TCF12: variants seen among roughly 807,000 people sequenced by gnomAD.
The protein encoded by TCF12 is transcription factor 12.
TCF12 carries 45 observed loss-of-function variants against 86.0 expected under a neutral mutation model. The observed-to-expected ratio is 0.52, with a 90% CI of 0.41 to 0.67. TCF12 has a LOEUF of 0.67. TCF12 is among the 30% of genes least tolerant of loss of function. The probability of loss-of-function intolerance (pLI) is 0.00; values close to 1 mark genes in which losing one functional copy is unlikely to be tolerated. For synonymous variants in TCF12, 330 were observed against 299.6 expected (o/e 1.10, Z -1.05); for missense variants, 881 against 859.9 (o/e 1.02, Z -0.31).
chr15:56,941,596 A>G (rs897002524), intron 3 of TCF12, among the ~76,000 whole-genome samples: 4 of 151,700 alleles, frequency 2.6e-5, no homozygotes, highest in Admixed American at 6.6e-5. Flanking sequence ...GCTGGTCTTT[A>G]ACTCCTGACC....
downstream of TCF12, chr15:57,291,173 A>T (rs559151722): frequency 1.5e-4 from 23 of 152,322 alleles, no homozygotes; most frequent in African/African-American, 5.3e-4. Flanking sequence ...TCCCCTAAGG[A>T]TAGCAAAATC....
intron 5 of TCF12, among the ~76,000 whole-genome samples, chr15:57,121,508 C>A (rs188558281): frequency 4.6e-5 from 7 of 152,288 alleles, no homozygotes; most frequent in Admixed American, 2.6e-4. Context: ...AGGATTAACG[C>A]CTTATGAAGT....
At chr15:57,190,557 T>G (rs1269386333) in intron 6 of TCF12, among the ~76,000 whole-genome samples, 4 of 152,156 alleles carry the variant, frequency 2.6e-5, no homozygotes, top group Admixed American at 2.0e-4. Flanking sequence ...TCAACCCCCC[T>G]TCCTTTTGAG....
chr15:57,279,020 G>A (rs1321770409), intron 19 of TCF12, among the ~76,000 whole-genome samples: 3 of 142,940 alleles, frequency 2.1e-5, no homozygotes, highest in East Asian at 2.0e-4. Context: ...TCTTCCTCAG[G>A]GTTTTGCTCT....
At chr15:57,067,907 A>G (rs1164265054) in intron 4 of TCF12, among the ~76,000 whole-genome samples, 1 of 152,176 alleles carries the variant, frequency 6.6e-6, no homozygotes, top group Admixed American at 6.5e-5. Context: ...AGATCTAGTT[A>G]ATGAGTTTGT....
rs2066830856 is a variant in TCF12, at chr15:57,040,575, C to T, written c.149-23175C>T. On this transcript the variant is annotated intron_variant, in intron 3 of 20. Coordinates refer to ENST00000333725, the MANE Select transcript of TCF12 (RefSeq NM_207037.2). ...GCTCAACCTTCAAACGAAGAGACAG[C>T]TGTTTTTAGGCTGGTATTCAGTAGG... Among the ~76,000 whole-genome samples the T allele has an allele frequency of 2.0e-5, 3 of 152,152 alleles. No individual in the cohort carries two copies. In the South Asian group the frequency reaches 6.2e-4, roughly 32 times the overall value.
intron 3 of TCF12, among the ~76,000 whole-genome samples, chr15:57,029,105 G>A (rs2065992819): frequency 6.6e-6 from 1 of 152,112 alleles, no homozygotes; most frequent in Non-Finnish European, 1.5e-5. Flanking sequence ...GTCTTTACAT[G>A]TATCATAAGC....
At chr15:56,970,775 C>T (rs761794924) in intron 3 of TCF12, among the ~76,000 whole-genome samples, 12 of 151,342 alleles carry the variant, frequency 7.9e-5, no homozygotes, top group Non-Finnish European at 1.8e-4. Context: ...AACAGCTGGG[C>T]GTGGTGGCTC....
At chr15:57,165,963 T>C (rs1441139446) in intron 5 of TCF12, among the ~76,000 whole-genome samples, 1 of 152,208 alleles carries the variant, frequency 6.6e-6, no homozygotes, top group Non-Finnish European at 1.5e-5. Flanking sequence ...TTTCATTCTT[T>C]TAAATGTGTT....
At chr15:57,013,481 C>G (rs1158151196) in intron 3 of TCF12, among the ~76,000 whole-genome samples, 2 of 152,070 alleles carry the variant, frequency 1.3e-5, no homozygotes, top group Non-Finnish European at 2.9e-5. Flanking sequence ...AAAATTAGCC[C>G]AGCTGATTTT....
chr15:57,045,662 C>T (rs2141500800), intron 3 of TCF12, among the ~76,000 whole-genome samples: 1 of 152,286 alleles, frequency 6.6e-6, no homozygotes, highest in South Asian at 2.1e-4. Context: ...CCTCCCACCT[C>T]AACCTCCCAA....
chr15:56,945,452 C>G (rs2060952946), intron 3 of TCF12, among the ~76,000 whole-genome samples: 1 of 151,874 alleles, frequency 6.6e-6, no homozygotes, highest in African/African-American at 2.4e-5. Context: ...AATAAATTCT[C>G]TTTATTTTTG....
chr15:56,941,622 T>C (rs1339274443), intron 3 of TCF12, among the ~76,000 whole-genome samples: 1 of 151,674 alleles, frequency 6.6e-6, no homozygotes, highest in Non-Finnish European at 1.5e-5. Context: ...TGATCCGCCT[T>C]CCTCGGCCTC....
At chr15:57,214,421 A>T (rs1231898166) in intron 8 of TCF12, 2 of 152,212 alleles carry the variant, frequency 1.3e-5, no homozygotes, top group Non-Finnish European at 2.9e-5. Flanking sequence ...ACATATCCTC[A>T]TTATAGTCGT....
At chr15:57,008,377 T>TTTTTTCTC (rs2064605481) in intron 3 of TCF12, among the ~76,000 whole-genome samples, 1 of 147,692 alleles carries the variant, frequency 6.8e-6, no homozygotes, top group Admixed American at 6.7e-5. Context: ...AAAATACCCT[T>TTTTTTCTC]TTTTTTTCTT....
intron 8 of TCF12, among the ~76,000 whole-genome samples, chr15:57,207,138 T>G (rs2057863657): frequency 6.6e-6 from 1 of 151,892 alleles, no homozygotes; most frequent in South Asian, 2.1e-4. Flanking sequence ...AACCTAAAGT[T>G]AAAGATAGTT....
intron 4 of TCF12, among the ~76,000 whole-genome samples, chr15:57,078,102 T>C (rs1237692475): frequency 6.6e-6 from 1 of 152,212 alleles, no homozygotes; most frequent in Non-Finnish European, 1.5e-5. Context: ...GAGGTGCTTA[T>C]TGACACTTTA....
At chr15:57,179,160 T>A (rs1016924826) in intron 6 of TCF12, among the ~76,000 whole-genome samples, 1 of 152,180 alleles carries the variant, frequency 6.6e-6, no homozygotes, top group Non-Finnish European at 1.5e-5. Context: ...TAATATTACA[T>A]GCATAGTTTA....
intron 3 of TCF12, among the ~76,000 whole-genome samples, chr15:57,001,780 G>T (rs1426579218): frequency 6.6e-6 from 1 of 152,102 alleles, no homozygotes; most frequent in Non-Finnish European, 1.5e-5. Flanking sequence ...CGAGTGACTG[G>T]TTCCTAGTTC....
Sources: allele counts gnomAD v4.1 joint callset (sites outside exome capture counted in the v4.1 genomes callset), GRCh38; gene constraint gnomAD v4.1.1; transcripts MANE v1.5; gene names NCBI Gene and HGNC (gene_info 2026-07-23, HGNC 2026-07-21).